Variants in LRRC9 observed in about 807,000 individuals in gnomAD.
The protein encoded by LRRC9 is leucine-rich repeat-containing protein 9.
Under a neutral mutation model 63.2 loss-of-function variants are expected in LRRC9, and 122 were observed. That is an observed-to-expected ratio of 1.93 (90% CI 1.67 to 2.24). The LOEUF (loss-of-function observed/expected upper bound fraction) is 2.24. LRRC9 is among the 30% of genes most tolerant of loss of function. The pLI, the probability that LRRC9 is intolerant of heterozygous loss-of-function variation, is 0.00. For synonymous variants in LRRC9, 366 were observed against 213.1 expected (o/e 1.72, Z -6.25); for missense variants, 1,071 against 627.7 (o/e 1.71, Z -7.55).
chr14:59,939,870 G>T (rs1241149274), intron 7 of LRRC9, among the ~76,000 whole-genome samples: 3 of 151,972 alleles, frequency 2.0e-5, no homozygotes, highest in African/African-American at 7.2e-5. Flanking sequence ...TTGGATATAT[G>T]AGTCTACTAT....
exon 4 of LRRC9, chr14:59,931,033 A>G: frequency 2.5e-6 from 1 of 403,222 alleles, no homozygotes; most frequent in Non-Finnish European, 4.5e-6. Context: ...CTTTGGCTGA[A>G]CCACAATACA....
chr14:59,972,500 A>C (rs1885632440), intron 12 of LRRC9, among the ~76,000 whole-genome samples: 1 of 152,076 alleles, frequency 6.6e-6, no homozygotes, highest in African/African-American at 2.4e-5. Context: ...AAAGTTGAGC[A>C]TGCACTTAAA....
At chr14:59,961,898 T>C (rs751973421) in intron 10 of LRRC9, among the ~76,000 whole-genome samples, 31 of 152,168 alleles carry the variant, frequency 2.0e-4, no homozygotes, top group Non-Finnish European at 3.5e-4. Flanking sequence ...ACTGGGTACA[T>C]GGAAATACAC....
At chr14:60,054,213 C>T (rs1309807185) in intron 30 of LRRC9, among the ~76,000 whole-genome samples, 1 of 152,210 alleles carries the variant, frequency 6.6e-6, no homozygotes, top group East Asian at 1.9e-4. Flanking sequence ...GTAGGCTCCT[C>T]TCTAGTCCAC....
At chr14:60,028,776 A>C (rs1266170704) in intron 28 of LRRC9, among the ~76,000 whole-genome samples, 1 of 152,132 alleles carries the variant, frequency 6.6e-6, no homozygotes, top group African/African-American at 2.4e-5. Context: ...AGATAGCCTC[A>C]AAGACAGACT....
At chr14:59,981,068 T>C (rs556682099) in intron 15 of LRRC9, among the ~76,000 whole-genome samples, 47 of 152,294 alleles carry the variant, frequency 3.1e-4, no homozygotes, top group African/African-American at 1.1e-3. Context: ...TCCAAATTGA[T>C]CCTTCATGCC....
At chr14:59,989,721 T>C (rs935186378) in intron 17 of LRRC9, among the ~76,000 whole-genome samples, 2 of 152,186 alleles carry the variant, frequency 1.3e-5, no homozygotes, top group African/African-American at 4.8e-5. Flanking sequence ...AGCTTTGTCT[T>C]GAATTTGACC....
chr14:60,050,041 G>T (rs1893759051), intron 29 of LRRC9, among the ~76,000 whole-genome samples: 1 of 151,190 alleles, frequency 6.6e-6, no homozygotes, highest in Non-Finnish European at 1.5e-5. Context: ...CTGTCACCTA[G>T]GCTGGAGTGC....
rs1419052332 is a variant in LRRC9, at chr14:60,031,483, C to T, written c.3922-512C>T. On this transcript the variant is annotated intron_variant, in intron 28 of 31. Coordinates refer to ENST00000445360, the Ensembl canonical transcript of LRRC9. The surrounding 1 kb of genome is among the most constrained non-coding windows in gnomAD (Gnocchi z 4.6). ...GTTAAATGGAAGCTAATAAATAATG[C>T]TATGCAATAGAGAAGGCAAATTATT... Among the ~76,000 whole-genome samples, 1 of 151,980 alleles carries T rather than the reference C, an allele frequency of 6.6e-6. No individual in the cohort carries two copies. Among genetic ancestry groups the T allele is most frequent in the Non-Finnish European group, 1.5e-5 (1 of 67,942 alleles).
At chr14:60,048,063 A>G (rs983451307) in intron 29 of LRRC9, among the ~76,000 whole-genome samples, 6 of 152,230 alleles carry the variant, frequency 3.9e-5, no homozygotes, top group African/African-American at 1.4e-4. Context: ...TAATAAAAGT[A>G]AGGCAGAACT....
intron 23 of LRRC9, among the ~76,000 whole-genome samples, chr14:60,014,981 TTCTC>T (rs1233320069): frequency 6.6e-6 from 1 of 151,992 alleles, no homozygotes. Flanking sequence ...TGGGTCTATT[TTCTC>T]TCTTTTGTTC....
intron 30 of LRRC9, among the ~76,000 whole-genome samples, chr14:60,057,139 C>A (rs536914020): frequency 2.0e-5 from 3 of 152,188 alleles, no homozygotes; most frequent in African/African-American, 7.2e-5. Context: ...ACAGAAAAGG[C>A]CTCCATCTCT....
chr14:59,978,632 A>C (rs887062340), intron 15 of LRRC9, among the ~76,000 whole-genome samples: 1 of 152,140 alleles, frequency 6.6e-6, no homozygotes, highest in African/African-American at 2.4e-5. Flanking sequence ...TGGGTATTTC[A>C]TTATTTTGGT....
intron 6 of LRRC9, among the ~76,000 whole-genome samples, chr14:59,933,708 G>A (rs1889897180): frequency 1.3e-5 from 2 of 152,124 alleles, no homozygotes; most frequent in Admixed American, 1.3e-4. Context: ...GGAAATATTT[G>A]ATAAGAACTT....
chr14:59,959,998 A>G (rs755112713), exon 9 of LRRC9: 48 of 669,232 alleles, frequency 7.2e-5, no homozygotes, highest in South Asian at 7.1e-4. Context: ...AACATTCTGG[A>G]ACAAAAAACT....
chr14:59,926,864 A>G (rs185052438), intron 1 of LRRC9, among the ~76,000 whole-genome samples: 7 of 152,304 alleles, frequency 4.6e-5, no homozygotes, highest in Admixed American at 3.3e-4. Flanking sequence ...AAATGTTCAG[A>G]GAAGCACTAT....
In LRRC9 at chr14:60,017,017, A is replaced by T. The variant is rs928092894; in HGVS notation, c.3317+227A>T. 1.3e-5 allele frequency among the ~76,000 whole-genome samples: 2 copies of T among 151,854 alleles called. No homozygotes were observed. The highest frequency in any genetic ancestry group is 2.9e-5 in the Non-Finnish European group (2 of 67,944). On this transcript the variant is annotated intron_variant, in intron 24 of 31. Coordinates refer to ENST00000445360, the Ensembl canonical transcript of LRRC9. This position sits in a 1 kb window ranked among gnomAD's most constrained non-coding sequence, Gnocchi z 4.0. Reference sequence around the variant, plus strand: ...CCTTGCAGGCTCAATCGATCCTCCGACTATAGGCACGCACCACCAAGCATG... The same window carrying T: ...CCTTGCAGGCTCAATCGATCCTCCGTCTATAGGCACGCACCACCAAGCATG...
chr14:59,995,017 AAG>A (rs762773973), intron 17 of LRRC9, among the ~76,000 whole-genome samples: 3 of 151,822 alleles, frequency 2.0e-5, no homozygotes, highest in Non-Finnish European at 4.4e-5. Context: ...ATAAAAAAAA[AAG>A]AAAATAAATG....
rs1228850559 is a variant in LRRC9, at chr14:59,930,349, A to G, written c.268-569A>G. On this transcript the variant is annotated intron_variant, in intron 3 of 31. Transcript: ENST00000445360. This position sits in a 1 kb window ranked among gnomAD's most constrained non-coding sequence, Gnocchi z 4.9. The stretch of plus-strand genomic sequence containing the variant: ...ATTTTATCCTAGAAAAGTTAACTCA[A>G]TAGCAGAAAACAACCATATGCACGA... 1.3e-5 allele frequency among the ~76,000 whole-genome samples: 2 copies of G among 152,040 alleles called. No homozygotes were observed. The highest frequency in any genetic ancestry group is 1.3e-4 in the Admixed American group (2 of 15,236).
Sources: gnomAD v4.1 joint callset for allele counts (sites outside exome capture counted in the v4.1 genomes callset) on GRCh38, gnomAD v4.1.1 for gene constraint, Gnocchi (gnomAD v3.1) non-coding constraint, MANE v1.5 for transcripts, NCBI Gene and HGNC (gene_info 2026-07-23, HGNC 2026-07-21) for gene names.